The following DUSP15 variants were observed in gnomAD, a reference collection of about 807,000 sequenced individuals.
DUSP15 encodes the protein dual specificity protein phosphatase 15.
A neutral mutation model predicts 26.3 loss-of-function variants in DUSP15; 23 were observed. That is an observed-to-expected ratio of 0.87 (90% confidence interval 0.63 to 1.24). DUSP15 has a LOEUF of 1.24. Among genes scored for constraint, DUSP15 ranks in the 50% most tolerant of loss-of-function variants. DUSP15 has a pLI of 0.00. For missense variants in DUSP15, 364 were observed against 320.6 expected, an observed-to-expected ratio of 1.14 and a Z score of -1.03; for synonymous variants, 143 against 135.5, an observed-to-expected ratio of 1.06 and a Z score of -0.39.
At chr20:31,846,289 CACAG>C (rs1297951398), downstream of DUSP15, among the ~76,000 whole-genome samples, 13 of 143,906 alleles carry the variant, frequency 9.0e-5, no homozygotes, top group Middle Eastern at 3.5e-3. Context: ...GAGACACAGA[CACAG>C]ACACACACAC....
intron 8 of DUSP15, chr20:31,849,423 TC>T: frequency 2.0e-6 from 1 of 508,602 alleles, no homozygotes. Flanking sequence ...CTTAGGCCCA[TC>T]CCCCTGGGCC....
At chr20:31,850,601 C>G in intron 7 of DUSP15, 2 of 1,608,356 alleles carry the variant, frequency 1.2e-6, no homozygotes, top group Non-Finnish European at 1.7e-6. Flanking sequence ...GAGGGGATTT[C>G]GATTCCTTAC....
chr20:31,846,293 GACAC>G (rs71336552), downstream of DUSP15, among the ~76,000 whole-genome samples: 3,540 of 141,028 alleles, frequency 0.025, 121 homozygotes, highest in African/African-American at 0.084. Context: ...CACAGACACA[GACAC>G]ACACACACAC....
chr20:31,847,326 C>A (rs147789612), downstream of DUSP15, among the ~76,000 whole-genome samples: 26 of 152,246 alleles, frequency 1.7e-4, no homozygotes, highest in African/African-American at 6.3e-4. Flanking sequence ...AGCGGAGAGT[C>A]GCTGGGTCCC....
chr20:31,870,614 G>C, upstream of DUSP15: 1 of 1,372,648 alleles, frequency 7.3e-7, no homozygotes, highest in Non-Finnish European at 9.4e-7. This position sits in a 1 kb window ranked among gnomAD's most constrained non-coding sequence, Gnocchi z 6.6. Context: ...GGGTCGCGGC[G>C]GGGGGCCGGA....
At chr20:31,849,300 T>TAC (rs1369603625) in intron 8 of DUSP15, among the ~76,000 whole-genome samples, 1 of 152,076 alleles carries the variant, frequency 6.6e-6, no homozygotes, top group Admixed American at 6.6e-5. Context: ...GCACCCCATA[T>TAC]ACGCCTGTAT....
exon 10 of DUSP15, chr20:31,848,390 G>C (rs1327524402): frequency 6.2e-7 from 1 of 1,609,728 alleles, no homozygotes; most frequent in Admixed American, 1.7e-5. Context: ...GAGCCCCCCT[G>C]TTGGGGGCTG....
At chr20:31,868,391 A>C (rs1372490690) in intron 2 of DUSP15, among the ~76,000 whole-genome samples, 1 of 152,104 alleles carries the variant, frequency 6.6e-6, no homozygotes, top group East Asian at 1.9e-4. Flanking sequence ...CTGACTCTGC[A>C]GATGGAAATG....
chr20:31,862,169 C>T (rs902106365), intron 6 of DUSP15, among the ~76,000 whole-genome samples: 3 of 152,128 alleles, frequency 2.0e-5, no homozygotes, highest in Non-Finnish European at 4.4e-5. Context: ...GACATTTCTA[C>T]GTAGCATCTG....
rs1325823200 is a variant in DUSP15 at position 31,869,449 on chromosome 20, C to G, written c.55+115G>C. ...CCTTTTCCCCCTCCCAGCCTGGGGC[C>G]GCTTCCCTGCCCCCAACCCCATTCC... is the stretch of plus-strand genomic sequence containing the variant. On this transcript the variant is annotated intron_variant, in intron 2 of 6. Transcript: ENST00000339738. The G allele has an allele frequency of 2.8e-6, 4 of 1,409,956 alleles. No homozygotes were observed. In the East Asian group the frequency reaches 9.9e-5, roughly 35 times the overall value. 87.3% of individuals were successfully genotyped at this position (1,409,956 alleles called of 1,614,324 possible).
downstream of DUSP15, among the ~76,000 whole-genome samples, chr20:31,845,831 G>T (rs981938906): frequency 5.3e-5 from 8 of 152,198 alleles, no homozygotes; most frequent in Non-Finnish European, 8.8e-5. Flanking sequence ...ACGTGTGCTG[G>T]GTGGTGGTGG....
At chr20:31,848,233 G>A (rs538394036) in exon 10 of DUSP15, 18 of 597,666 alleles carry the variant, frequency 3.0e-5, no homozygotes, top group African/African-American at 5.8e-5. Context: ...GCTGGGGGGC[G>A]GTGTGGCCTA....
At chr20:31,856,053 C>T (rs770697412) in intron 6 of DUSP15, among the ~76,000 whole-genome samples, 37 of 152,264 alleles carry the variant, frequency 2.4e-4, no homozygotes, top group Middle Eastern at 3.4e-3. Flanking sequence ...AAACAGTATA[C>T]ACTGAACCCA....
At chr20:31,869,950 C>T (rs1600494180) in intron 1 of DUSP15, 1 of 1,353,608 alleles carries the variant, frequency 7.4e-7, no homozygotes, top group South Asian at 1.8e-5. Context: ...AAGGCAATGA[C>T]AGGCAGAGGC....
At position 31,867,070 on chromosome 20, in the gene DUSP15, C is replaced by A; in HGVS notation, c.138+1G>T. 6.3e-7 allele frequency: 1 copy of A among 1,579,000 alleles called. No individual in the cohort carries two copies. Among genetic ancestry groups the A allele is most frequent in the Non-Finnish European group, 8.6e-7 (1 of 1,161,230 alleles). ...AGCCCTGGGATGGGGGTAAGAAGTACCTGCAGCAGAGGCTGGGGTGACTCA... is the reference window on the plus strand; with the variant it reads ...AGCCCTGGGATGGGGGTAAGAAGTAACTGCAGCAGAGGCTGGGGTGACTCA... On this transcript the variant is annotated splice_donor_variant, in intron 3 of 6. Coordinates refer to ENST00000339738, the MANE Select transcript of DUSP15 (RefSeq NM_080611.5). LOFTEE classifies it high-confidence loss of function.
intron 7 of DUSP15, among the ~76,000 whole-genome samples, chr20:31,850,217 A>G (rs894229821): frequency 6.6e-6 from 1 of 152,186 alleles, no homozygotes; most frequent in African/African-American, 2.4e-5. Flanking sequence ...CAGCGACAAT[A>G]ACAACAACCT....
intron 1 of DUSP15, 45 bp from the exon 2 acceptor site, chr20:31,869,642 C>G (rs1022322217): frequency 6.2e-7 from 1 of 1,608,060 alleles, no homozygotes; most frequent in African/African-American, 1.3e-5. Context: ...GGGCTGCACC[C>G]CCTTCCACCC....
intron 7 of DUSP15, chr20:31,850,005 C>T: frequency 9.4e-7 from 1 of 1,062,236 alleles, no homozygotes; most frequent in Non-Finnish European, 1.3e-6. Context: ...TTTGGGTGCT[C>T]TCTCCCTATC....
chr20:31,867,701 G>A (rs1273053554), intron 2 of DUSP15, among the ~76,000 whole-genome samples: 5 of 128,072 alleles, frequency 3.9e-5, no homozygotes, highest in African/African-American at 1.5e-4. Context: ...CTGGAGTCCA[G>A]TGGCGCGATC....
Sources: gnomAD v4.1 joint callset for allele counts (sites outside exome capture counted in the v4.1 genomes callset) on GRCh38, gnomAD v4.1.1 for gene constraint, Gnocchi (gnomAD v3.1) non-coding constraint, MANE v1.5 for transcripts, NCBI Gene and HGNC (gene_info 2026-07-23, HGNC 2026-07-21) for gene names.